CRTC3: variants seen among roughly 807,000 people sequenced by gnomAD.
CRTC3 encodes the protein CREB regulated transcription coactivator 3, also known as CREB-regulated transcription coactivator 3.
CRTC3 carries 26 observed loss-of-function variants against 74.5 expected under a neutral mutation model. That is an observed-to-expected ratio of 0.35 (90% CI 0.26 to 0.48). The LOEUF is 0.48. Among genes scored for constraint, CRTC3 ranks in the 20% least tolerant of loss-of-function variants. The pLI is 0.99. For missense variants in CRTC3, 760 were observed against 787.3 expected, an observed-to-expected ratio of 0.97 and a Z score of 0.41; for synonymous variants, 377 against 325.8, an observed-to-expected ratio of 1.16 and a Z score of -1.69.
chr15:90,644,233 T>TA lies in CRTC3; in HGVS notation c.*2096dup. On this transcript the variant is annotated 3_prime_UTR_variant, in exon 15 of 15. Transcript: ENST00000268184. Reference sequence around the variant, plus strand: ...GATCTCAGAGGGGGTGGCTTTTTGTTAAAGAGCCTTCAGTCGCAATGCTAC... The same window carrying TA: ...GATCTCAGAGGGGGTGGCTTTTTGTTAAAAGAGCCTTCAGTCGCAATGCTAC... The TA allele has an allele frequency of 4.4e-6, 1 of 228,854 alleles. No individual in the cohort carries two copies. The highest frequency in any genetic ancestry group is 8.7e-6 in the Non-Finnish European group (1 of 115,402). 14.2% of individuals were successfully genotyped at this position (228,854 alleles called of 1,614,324 possible). A position where few individuals can be genotyped will look rare whatever the true frequency, so the allele number is the denominator to read the frequency against.
chr15:90,597,503 T>C (rs528275686), intron 3 of CRTC3, among the ~76,000 whole-genome samples: 9 of 152,332 alleles, frequency 5.9e-5, no homozygotes, highest in African/African-American at 1.9e-4. Context: ...CTTTTCATCA[T>C]AATGAGATGA....
intron 2 of CRTC3, among the ~76,000 whole-genome samples, chr15:90,584,572 T>C (rs1967616764): frequency 6.6e-6 from 1 of 152,184 alleles, no homozygotes; most frequent in African/African-American, 2.4e-5. Context: ...TGTGGTCTCA[T>C]TATGTCGTCC....
chr15:90,545,844 C>T (rs1280158197), intron 2 of CRTC3, among the ~76,000 whole-genome samples: 5 of 152,198 alleles, frequency 3.3e-5, no homozygotes, highest in Admixed American at 6.5e-5. Context: ...TCCCAAAGTG[C>T]TGGGATTACA....
At chr15:90,549,004 A>G (rs185764100) in intron 2 of CRTC3, among the ~76,000 whole-genome samples, 1 of 152,234 alleles carries the variant, frequency 6.6e-6, no homozygotes, top group Non-Finnish European at 1.5e-5. Flanking sequence ...TTTAAAAGCA[A>G]TACTTCTTTT....
chr15:90,587,055 A>C (rs1967680863), intron 2 of CRTC3, among the ~76,000 whole-genome samples: 1 of 152,242 alleles, frequency 6.6e-6, no homozygotes, highest in African/African-American at 2.4e-5. Flanking sequence ...ACAGTACAGT[A>C]CATCTACCCA....
At chr15:90,536,641 A>AT (rs1402532606) in intron 1 of CRTC3, among the ~76,000 whole-genome samples, 1 of 152,222 alleles carries the variant, frequency 6.6e-6, no homozygotes, top group Non-Finnish European at 1.5e-5. Context: ...AAAGGAATTA[A>AT]TGAGGCCTGG....
chr15:90,608,193 G>A (rs562527476), intron 6 of CRTC3, among the ~76,000 whole-genome samples: 3 of 152,270 alleles, frequency 2.0e-5, no homozygotes, highest in Non-Finnish European at 2.9e-5. Context: ...GTGGGGAAGA[G>A]GCCCACTCAT....
At chr15:90,617,747 T>C (rs1968530605) in intron 7 of CRTC3, 136 bp from the exon 8 acceptor site, 3 of 599,054 alleles carry the variant, frequency 5.0e-6, no homozygotes, top group Non-Finnish European at 9.1e-6. Flanking sequence ...CCCAGGCTTG[T>C]CTCAAACTCC....
intron 10 of CRTC3, among the ~76,000 whole-genome samples, 192 bp from the exon 11 acceptor site, chr15:90,629,042 C>G (rs375568781): frequency 2.0e-5 from 3 of 152,188 alleles, no homozygotes; most frequent in African/African-American, 7.2e-5. Flanking sequence ...GTGGCCCCAT[C>G]TCTGTTAGTG....
chr15:90,542,593 C>T (rs1412598996), intron 2 of CRTC3, among the ~76,000 whole-genome samples: 5 of 152,142 alleles, frequency 3.3e-5, no homozygotes, highest in Non-Finnish European at 7.3e-5. Flanking sequence ...AACCAAAATA[C>T]AGCCATCAAG....
At chr15:90,614,690 C>T (rs975212553) in intron 7 of CRTC3, 2 of 483,088 alleles carry the variant, frequency 4.1e-6, no homozygotes, top group African/African-American at 4.0e-5. Context: ...TATGTGGTTG[C>T]ATTACAAAGG....
intron 2 of CRTC3, among the ~76,000 whole-genome samples, chr15:90,568,334 G>A (rs1461020999): frequency 1.3e-5 from 2 of 152,084 alleles, no homozygotes; most frequent in Non-Finnish European, 2.9e-5. Flanking sequence ...TAAATCAGAA[G>A]TAGAGTTCGA....
intron 5 of CRTC3, among the ~76,000 whole-genome samples, chr15:90,606,593 T>A (rs1018539463): frequency 6.6e-6 from 1 of 151,844 alleles, no homozygotes; most frequent in Non-Finnish European, 1.5e-5. Flanking sequence ...ATAAAAAAAA[T>A]ATTGAGGCCC....
intron 2 of CRTC3, among the ~76,000 whole-genome samples, chr15:90,551,944 G>GCACACACACACACGCA (rs1966859197): frequency 3.1e-5 from 4 of 129,198 alleles, no homozygotes; most frequent in African/African-American, 1.1e-4. Flanking sequence ...ACACACACAC[G>GCACACACACACACGCA]CACACACACA....
At chr15:90,616,066 G>A (rs1028404462) in intron 7 of CRTC3, among the ~76,000 whole-genome samples, 8 of 151,604 alleles carry the variant, frequency 5.3e-5, no homozygotes, top group Middle Eastern at 6.8e-3. Context: ...GAATTTTGCC[G>A]CATTGTCCAG....
At chr15:90,535,438 G>T in intron 1 of CRTC3, among the ~76,000 whole-genome samples, 1 of 152,212 alleles carries the variant, frequency 6.6e-6, no homozygotes, top group Non-Finnish European at 1.5e-5. Flanking sequence ...TAACCTCGGT[G>T]AGAGATGCTG....
chr15:90,571,260 A>G (rs1967257918), intron 2 of CRTC3, among the ~76,000 whole-genome samples: 2 of 152,122 alleles, frequency 1.3e-5, no homozygotes, highest in Admixed American at 1.3e-4. Flanking sequence ...GAGTTCAGAG[A>G]GTGGCTGGAT....
chr15:90,549,066 T>C (rs1966849495), intron 2 of CRTC3, among the ~76,000 whole-genome samples: 1 of 152,248 alleles, frequency 6.6e-6, no homozygotes, highest in African/African-American at 2.4e-5. Context: ...TTACATCTTT[T>C]TTCACCATTT....
intron 1 of CRTC3, among the ~76,000 whole-genome samples, chr15:90,537,693 G>T (rs1460181870): frequency 6.6e-6 from 1 of 151,514 alleles, no homozygotes; most frequent in African/African-American, 2.4e-5. Flanking sequence ...CCTTTTTTTT[G>T]AGACAGAGTC....
Sources: allele counts gnomAD v4.1 joint callset (sites outside exome capture counted in the v4.1 genomes callset), GRCh38; gene constraint gnomAD v4.1.1; transcripts MANE v1.5; gene names NCBI Gene and HGNC (gene_info 2026-07-23, HGNC 2026-07-21).